Variants in RAI14 observed in about 807,000 individuals in gnomAD.
RAI14 encodes the protein retinoic acid induced 14.
RAI14 carries 45 observed loss-of-function variants against 115.4 expected under a neutral mutation model. The ratio of observed to expected loss-of-function variants is 0.39; its 90% CI spans 0.31 to 0.50. The LOEUF (loss-of-function observed/expected upper bound fraction) is 0.50, where lower values mean the gene tolerates loss of function less well. Ranked by LOEUF, RAI14 falls within the 20% of genes least tolerant of loss-of-function variation. The pLI, the probability that RAI14 is intolerant of heterozygous loss-of-function variation, is 0.85. For missense variants in RAI14, 939 were observed against 1,131.2 expected (o/e 0.83, Z 2.44); for synonymous variants, 371 against 415.4 (o/e 0.89, Z 1.30).
rs558136839 is a variant in RAI14, at chr5:34,729,130, G to A, written c.37-28338G>A. Among the ~76,000 whole-genome samples the A allele has an allele frequency of 3.9e-5, 6 of 152,216 alleles. 1 individual carries two copies. In the East Asian group the frequency reaches 9.7e-4, roughly 25 times the overall value. ...CCTAGCACTTAGTAGGTATATGTGG[G>A]TGGATCCTTTGAGCCCAGGAGTTCA... On this transcript the variant is annotated intron_variant, in intron 2 of 17. Transcript: ENST00000265109.
chr5:34,699,531 A>G (rs372948161), intron 2 of RAI14, among the ~76,000 whole-genome samples: 12 of 152,210 alleles, frequency 7.9e-5, no homozygotes, highest in Middle Eastern at 3.4e-3. Flanking sequence ...TTTCCCCTTT[A>G]ATAAGGACCT....
At chr5:34,699,802 AAAT>A (rs1444624347) in intron 2 of RAI14, among the ~76,000 whole-genome samples, 1 of 152,210 alleles carries the variant, frequency 6.6e-6, no homozygotes, top group East Asian at 1.9e-4. Flanking sequence ...CAGGAGAACA[AAAT>A]ATGATGATTC....
At chr5:34,737,894 A>G (rs1745063434) in intron 2 of RAI14, among the ~76,000 whole-genome samples, 1 of 152,170 alleles carries the variant, frequency 6.6e-6, no homozygotes, top group Non-Finnish European at 1.5e-5. Context: ...TCATGGACAT[A>G]TTTTTTCCTG....
chr5:34,754,711 A>G (rs530945114), intron 2 of RAI14, among the ~76,000 whole-genome samples: 2 of 152,284 alleles, frequency 1.3e-5, no homozygotes, highest in Admixed American at 1.3e-4. Flanking sequence ...GATAGAAGAG[A>G]GGCATTTCAG....
intron 2 of RAI14, among the ~76,000 whole-genome samples, chr5:34,713,015 G>A (rs533207177): frequency 1.2e-3 from 183 of 152,188 alleles, no homozygotes; most frequent in Non-Finnish European, 2.0e-3. Context: ...CATAAAATGA[G>A]ACACATTGTC....
rs867785226 is a variant in RAI14, at chr5:34,695,401, A to G, written c.36+8446A>G. ...AGCCAGTGGGGCAGCTCTGCTCCAT[A>G]GATTAACCCAGGAACCCCAGCCTTT... On this transcript the variant is annotated intron_variant, in intron 2 of 17. Coordinates refer to ENST00000265109, the MANE Select transcript of RAI14 (RefSeq NM_015577.3). Among the ~76,000 whole-genome samples the G allele has an allele frequency of 5.3e-5, 8 of 152,342 alleles. 1 individual carries two copies. In the Middle Eastern group the frequency reaches 0.01, roughly 194 times the overall value.
intron 4 of RAI14, among the ~76,000 whole-genome samples, chr5:34,796,254 C>T (rs1753520694): frequency 6.6e-6 from 1 of 152,002 alleles, no homozygotes; most frequent in Admixed American, 6.6e-5. Flanking sequence ...AAAATTTAGC[C>T]AGGCATGGTG....
intron 2 of RAI14, among the ~76,000 whole-genome samples, chr5:34,720,471 C>T (rs1035874077): frequency 3.1e-4 from 42 of 135,952 alleles, no homozygotes; most frequent in African/African-American, 9.7e-4. Flanking sequence ...AGTGCAGTGG[C>T]GCAATCTCGG....
At chr5:34,715,574 G>C (rs1741890429) in intron 2 of RAI14, among the ~76,000 whole-genome samples, 6 of 152,142 alleles carry the variant, frequency 3.9e-5, no homozygotes. Context: ...CTCTTTGCCT[G>C]GTCTCTGCAC....
At chr5:34,822,250 G>GTGTATATATATATATA (rs1554012472) in intron 14 of RAI14, among the ~76,000 whole-genome samples, 2 of 134,740 alleles carry the variant, frequency 1.5e-5, no homozygotes, top group African/African-American at 5.6e-5. Context: ...ATGTGTGTAT[G>GTGTATATATATATATA]TATATATATA....
chr5:34,826,443 G>A lies in RAI14; in HGVS notation c.2763G>A (p.Leu921=), dbSNP rs545495169. The change falls in exon 16 of 18, where the codon CTG becomes CTA. Residue 921 remains leucine, a synonymous_variant. Transcript: ENST00000265109. ...SKRQSQQLEA[L]QQQVKQLQNQ... The stretch of plus-strand genomic sequence containing the variant: ...GGCAGAGTCAGCAGCTGGAGGCGCT[G>A]CAGCAGCAAGTCAAACAGCTCCAGA... 6.2e-7 allele frequency: 1 copy of A among 1,613,944 alleles called. No homozygotes were observed. Among genetic ancestry groups the A allele is most frequent in the African/African-American group, 1.3e-5 (1 of 75,046 alleles).
At chr5:34,720,558 C>G (rs1222448976) in intron 2 of RAI14, among the ~76,000 whole-genome samples, 5 of 151,742 alleles carry the variant, frequency 3.3e-5, no homozygotes, top group Admixed American at 6.6e-5. Flanking sequence ...CTATAGGCGC[C>G]CGCCACCACG....
chr5:34,761,275 C>T (rs969782938), intron 3 of RAI14, among the ~76,000 whole-genome samples: 1 of 152,228 alleles, frequency 6.6e-6, no homozygotes, highest in Non-Finnish European at 1.5e-5. Flanking sequence ...TAGCCTCAAC[C>T]TCACAGGGTC....
At chr5:34,824,719 G>A (rs1015317894) in intron 15 of RAI14, among the ~76,000 whole-genome samples, 3 of 152,032 alleles carry the variant, frequency 2.0e-5, no homozygotes, top group African/African-American at 7.2e-5. Context: ...CGAGGTGGGT[G>A]GATCACTTGA....
chr5:34,814,945 A>T (rs1357745994), intron 12 of RAI14, among the ~76,000 whole-genome samples: 1 of 148,570 alleles, frequency 6.7e-6, no homozygotes, highest in Admixed American at 6.7e-5. Context: ...TTCTTCATTT[A>T]AAAAAAAAAG....
chr5:34,741,592 T>A (rs998223963), intron 2 of RAI14, among the ~76,000 whole-genome samples: 2 of 152,222 alleles, frequency 1.3e-5, no homozygotes, highest in African/African-American at 4.8e-5. Context: ...ATCAAGAGCT[T>A]GGCTGAGGCA....
chr5:34,818,877 T>C (rs1242636657), intron 13 of RAI14, 26 bp downstream of exon 13: 1 of 1,588,348 alleles, frequency 6.3e-7, no homozygotes, highest in Non-Finnish European at 8.6e-7. Flanking sequence ...ATCTGTTTTT[T>C]TTTTTCCTTC....
At chr5:34,752,255 T>A (rs1416257638) in intron 2 of RAI14, among the ~76,000 whole-genome samples, 2 of 152,216 alleles carry the variant, frequency 1.3e-5, no homozygotes, top group African/African-American at 4.8e-5. Flanking sequence ...AATAGTTGTT[T>A]GCAAAAGAAT....
At chr5:34,800,891 A>G (rs138271904) in intron 4 of RAI14, among the ~76,000 whole-genome samples, 3 of 152,310 alleles carry the variant, frequency 2.0e-5, no homozygotes, top group African/African-American at 7.2e-5. Flanking sequence ...TACACGACAT[A>G]AACGGTCTCC....
Sources: gnomAD v4.1 joint callset for allele counts (sites outside exome capture counted in the v4.1 genomes callset) on GRCh38, gnomAD v4.1.1 for gene constraint, MANE v1.5 for transcripts, NCBI Gene and HGNC (gene_info 2026-07-23, HGNC 2026-07-21) for gene names.